Variants in NR5A2 observed in about 807,000 individuals in gnomAD.
NR5A2 encodes nuclear receptor subfamily 5 group A member 2.
Under a neutral mutation model 62.7 loss-of-function variants are expected in NR5A2, and 26 were observed. The observed-to-expected ratio is 0.41, with a 90% CI of 0.30 to 0.58. NR5A2 has a LOEUF of 0.58. Among genes scored for constraint, NR5A2 ranks in the 20% least tolerant of loss-of-function variants. The pLI, the probability that NR5A2 is intolerant of heterozygous loss-of-function variation, is 0.22. For missense variants in NR5A2, 541 were observed against 669.1 expected (o/e 0.81, Z 2.11); for synonymous variants, 246 against 241.7 (o/e 1.02, Z -0.16).
chr1:200,172,853 T>G (rs1373635512), intron 7 of NR5A2, among the ~76,000 whole-genome samples: 2 of 152,214 alleles, frequency 1.3e-5, no homozygotes, highest in African/African-American at 2.4e-5. Context: ...TTCTCCATAT[T>G]CTCTTTCTTA....
chr1:200,131,949 A>G (rs1310246529), intron 7 of NR5A2, among the ~76,000 whole-genome samples: 1 of 152,222 alleles, frequency 6.6e-6, no homozygotes, highest in Non-Finnish European at 1.5e-5. Context: ...ATTAAATCAC[A>G]CAAAATATAT....
chr1:200,143,696 G>T (rs924533913), intron 7 of NR5A2, among the ~76,000 whole-genome samples: 17 of 145,712 alleles, frequency 1.2e-4, no homozygotes, highest in African/African-American at 4.1e-4. Context: ...AGGCTGGAGT[G>T]CAGTGGTGCG....
chr1:200,146,815 G>C (rs139771758), intron 7 of NR5A2, among the ~76,000 whole-genome samples: 2 of 151,976 alleles, frequency 1.3e-5, no homozygotes, highest in Non-Finnish European at 2.9e-5. Context: ...AGTTGCAAAG[G>C]CTAAATAAGT....
chr1:200,076,764 G>A (rs924238276), intron 5 of NR5A2, among the ~76,000 whole-genome samples: 4 of 152,046 alleles, frequency 2.6e-5, no homozygotes, highest in Non-Finnish European at 5.9e-5. Flanking sequence ...TTGGAGGTTT[G>A]GAGAATTCAA....
intron 5 of NR5A2, among the ~76,000 whole-genome samples, chr1:200,085,920 A>G (rs1178336725): frequency 6.6e-6 from 1 of 152,218 alleles, no homozygotes; most frequent in Non-Finnish European, 1.5e-5. Context: ...TGATATCTCT[A>G]TACTTATATA....
intron 5 of NR5A2, among the ~76,000 whole-genome samples, chr1:200,085,312 T>C (rs545733203): frequency 1.3e-5 from 2 of 152,324 alleles, no homozygotes; most frequent in African/African-American, 4.8e-5. Context: ...CCTTCCTTTA[T>C]TGATGCTTAA....
At chr1:200,169,999 A>G (rs1654096938) in intron 7 of NR5A2, among the ~76,000 whole-genome samples, 1 of 152,220 alleles carries the variant, frequency 6.6e-6, no homozygotes, top group African/African-American at 2.4e-5. Flanking sequence ...GCTAAAATCC[A>G]GATGTGGGAC....
chr1:200,031,286 T>C (rs1571686907), intron 1 of NR5A2, among the ~76,000 whole-genome samples: 1 of 152,114 alleles, frequency 6.6e-6, no homozygotes, highest in African/African-American at 2.4e-5. Flanking sequence ...GGAGGATCAC[T>C]TGGGCCCAGG....
chr1:200,085,361 T>C (rs1328180794), intron 5 of NR5A2, among the ~76,000 whole-genome samples: 2 of 152,162 alleles, frequency 1.3e-5, no homozygotes, highest in Admixed American at 6.5e-5. Context: ...CAACAAATAC[T>C]TGGGCTTGGC....
intron 5 of NR5A2, among the ~76,000 whole-genome samples, chr1:200,077,009 TA>T (rs1421915597): frequency 1.3e-5 from 2 of 152,232 alleles, no homozygotes; most frequent in East Asian, 3.8e-4. Context: ...GTGACATGTA[TA>T]CAAACTATCC....
rs967420147 is a variant in NR5A2 at position 200,045,623 on chromosome 1, C to T, written c.463+39C>T. 9 of 1,561,430 alleles carry T rather than the reference C, an allele frequency of 5.8e-6. No homozygotes were observed. The African/African-American group carries it at 1.1e-4, about 19-fold the overall frequency. ...AAAGACTACTGCCTATTAAAACTCT[C>T]CAAGGACATGAACTGTAAAACAACA... On this transcript the variant is annotated intron_variant, in intron 4 of 7. Transcript: ENST00000367362.
At chr1:200,133,056 G>T (rs140573781) in intron 7 of NR5A2, among the ~76,000 whole-genome samples, 3 of 152,228 alleles carry the variant, frequency 2.0e-5, no homozygotes, top group African/African-American at 7.2e-5. Flanking sequence ...AACTCCACAC[G>T]CAGGAAAAGA....
At chr1:200,095,766 A>G (rs1043748745) in intron 5 of NR5A2, among the ~76,000 whole-genome samples, 1 of 151,938 alleles carries the variant, frequency 6.6e-6, no homozygotes, top group Non-Finnish European at 1.5e-5. Context: ...GTTAGCCAGG[A>G]TGGTGTCGAT....
chr1:200,101,422 C>G (rs1665361108), intron 5 of NR5A2, among the ~76,000 whole-genome samples: 1 of 152,140 alleles, frequency 6.6e-6, no homozygotes, highest in Non-Finnish European at 1.5e-5. Context: ...GCTAGGTAGG[C>G]TATGAAGTTT....
chr1:200,087,876 T>G (rs975866024), intron 5 of NR5A2, among the ~76,000 whole-genome samples: 3 of 151,894 alleles, frequency 2.0e-5, no homozygotes, highest in African/African-American at 7.3e-5. Flanking sequence ...CTCAGCCTCC[T>G]GAGTAGCTGG....
intron 7 of NR5A2, among the ~76,000 whole-genome samples, chr1:200,154,329 G>T (rs932094182): frequency 3.3e-5 from 5 of 152,184 alleles, no homozygotes; most frequent in Non-Finnish European, 7.3e-5. Flanking sequence ...TGATAGCTGG[G>T]CTCACACTTG....
chr1:200,080,430 G>GATAT (rs766125239), intron 5 of NR5A2, among the ~76,000 whole-genome samples: 1 of 151,744 alleles, frequency 6.6e-6, no homozygotes, highest in Admixed American at 6.6e-5. Context: ...TCTGGTTTGA[G>GATAT]ATATATATAT....
intron 7 of NR5A2, among the ~76,000 whole-genome samples, chr1:200,152,371 ATGTTAC>A (rs1363845568): frequency 6.6e-6 from 1 of 152,222 alleles, no homozygotes; most frequent in African/African-American, 2.4e-5. Flanking sequence ...GGTTTTCCAT[ATGTTAC>A]TGTTATGATC....
intron 7 of NR5A2, among the ~76,000 whole-genome samples, chr1:200,162,656 G>A (rs1653694777): frequency 6.6e-6 from 1 of 152,176 alleles, no homozygotes; most frequent in South Asian, 2.1e-4. Context: ...TGCAGCAATG[G>A]AGAATAAAGG....
Sources: gnomAD v4.1 joint callset for allele counts (sites outside exome capture counted in the v4.1 genomes callset) on GRCh38, gnomAD v4.1.1 for gene constraint, MANE v1.5 for transcripts, NCBI Gene and HGNC (gene_info 2026-07-23, HGNC 2026-07-21) for gene names.